OSMR: variants seen among roughly 807,000 people sequenced by gnomAD.
OSMR encodes the protein oncostatin M receptor, also known as oncostatin-M-specific receptor subunit beta.
In OSMR, 81 loss-of-function variants were observed where a neutral mutation model predicts 99.9. That is an observed-to-expected ratio of 0.81 (90% CI 0.68 to 0.97). OSMR has a LOEUF of 0.97. OSMR is among the 50% of genes least tolerant of loss of function. The probability of loss-of-function intolerance (pLI) is 0.00; values close to 1 mark genes in which losing one functional copy is unlikely to be tolerated. For synonymous variants in OSMR, 406 were observed against 410.4 expected, an observed-to-expected ratio of 0.99 and a Z score of 0.13; for missense variants, 1,099 against 1,153.4, an observed-to-expected ratio of 0.95 and a Z score of 0.68.
downstream of OSMR, chr5:38,939,586 A>G (rs1264387713): frequency 4.3e-6 from 1 of 231,572 alleles, no homozygotes; most frequent in Non-Finnish European, 8.5e-6. Context: ...TGAGGCTGAA[A>G]TCTGTTCTTG....
In OSMR at chr5:38,883,835, T is replaced by C; in HGVS notation, c.427T>C (p.Ser143Pro). Residue 143 changes from serine to proline, a missense_variant, in exon 5 of 18, where the codon TCT (serine) becomes CCT (proline). By Grantham distance (74) the Ser-to-Pro change is moderately conservative. Transcript: ENST00000274276. ...ATTTTTTTTTCTTGCAGTACAAGATTCTACTGGACAGGATATATTGTTCGT... is the reference window on the plus strand; with the variant it reads ...ATTTTTTTTTCTTGCAGTACAAGATCCTACTGGACAGGATATATTGTTCGT... ...SSWEEVSVQD[S>P]TGQDILFVFP... 1.9e-6 allele frequency: 3 copies of C among 1,612,776 alleles called. No homozygotes were observed. The highest frequency in any genetic ancestry group is 2.5e-6 in the Non-Finnish European group (3 of 1,179,986).
intron 10 of OSMR, among the ~76,000 whole-genome samples, chr5:38,918,228 T>C (rs1746031190): frequency 6.6e-6 from 1 of 152,016 alleles, no homozygotes; most frequent in South Asian, 2.1e-4. Flanking sequence ...GTCTGGGTTC[T>C]GTCCACACCC....
chr5:38,929,345 CAGAG>C lies in OSMR; in HGVS notation c.2213-2535_2213-2532del, dbSNP rs142293855. Among the ~76,000 whole-genome samples, 1,050 of 152,202 alleles carry C rather than the reference CAGAG, an allele frequency of 6.9e-3. 49 individuals are homozygous for C. The East Asian group carries it at 0.12, about 17-fold the overall frequency. On this transcript the variant is annotated intron_variant, in intron 15 of 17. Coordinates refer to ENST00000274276, the MANE Select transcript of OSMR (RefSeq NM_003999.3). Reference sequence around the variant, plus strand: ...GTTAACTTTTTCTCGGATTAGGAGACAGAGAGGGTAAACAGTTTGTTTAAACATA... The same window carrying C: ...GTTAACTTTTTCTCGGATTAGGAGACAGGGTAAACAGTTTGTTTAAACATA...
intron 1 of OSMR, among the ~76,000 whole-genome samples, chr5:38,865,635 G>A (rs1741877836): frequency 6.6e-6 from 1 of 152,204 alleles, no homozygotes; most frequent in South Asian, 2.1e-4. Context: ...TGGTGGTGGT[G>A]GCACCAGGCC....
rs1037497608 is a variant in OSMR at position 38,934,074 on chromosome 5, A to T, written c.*630A>T. 6.5e-6 allele frequency: 1 copy of T among 152,730 alleles called. No homozygotes were observed. Among genetic ancestry groups the T allele is most frequent in the Non-Finnish European group, 1.5e-5 (1 of 68,142 alleles). 9.5% of individuals were successfully genotyped at this position (152,730 alleles called of 1,614,324 possible). ...ATATAAAATGTGTGATGAATCAACAAGATTTCCACAATTCTTCTGTCAAGC... is the reference window on the plus strand; with the variant it reads ...ATATAAAATGTGTGATGAATCAACATGATTTCCACAATTCTTCTGTCAAGC... On this transcript the variant is annotated 3_prime_UTR_variant, in exon 18 of 18. Coordinates refer to ENST00000274276, the MANE Select transcript of OSMR (RefSeq NM_003999.3).
downstream of OSMR, chr5:38,945,406 G>C (rs535222707): frequency 1.1e-6 from 1 of 895,516 alleles, no homozygotes; most frequent in South Asian, 1.6e-5. Context: ...CTCTGAATTA[G>C]AATACCAAAA....
intron 14 of OSMR, 83 bp downstream of exon 14, chr5:38,924,678 G>A: frequency 1.7e-6 from 2 of 1,208,644 alleles, no homozygotes; most frequent in Non-Finnish European, 2.5e-6. Flanking sequence ...TGCCATCTCA[G>A]ACTGTGGCCA....
Position 38,932,983 on chromosome 5 carries a change from C to T in OSMR, c.2479C>T (p.Leu827Phe). The T allele has an allele frequency of 6.2e-7, 1 of 1,614,170 alleles. No individual in the cohort carries two copies. The highest frequency in any genetic ancestry group is 8.5e-7 in the Non-Finnish European group (1 of 1,180,012). The change falls in exon 18 of 18, where the codon CTC (leucine) becomes TTC (phenylalanine). Residue 827 changes from leucine (L) to phenylalanine (F), a missense_variant. By Grantham distance (22) the Leu-to-Phe change is conservative. Coordinates refer to ENST00000274276, the MANE Select transcript of OSMR (RefSeq NM_003999.3). ...ACAGTTCCTAGGCACTAGGAAGTCA[C>T]TCACAGAAACCGAGTTGACTAAGCC... is the stretch of plus-strand genomic sequence containing the variant. ...KIQFLGTRKS[L>F]TETELTKPNY...
intron 2 of OSMR, chr5:38,944,327 A>G: frequency 9.2e-6 from 9 of 981,614 alleles, no homozygotes; most frequent in Non-Finnish European, 1.3e-5. Flanking sequence ...CAGGTATGCA[A>G]TGCAGTTTAG....
At chr5:38,904,188 T>C (rs926969388) in intron 8 of OSMR, 164 bp downstream of exon 8, 1 of 985,120 alleles carries the variant, frequency 1.0e-6, no homozygotes, top group African/African-American at 1.7e-5. Flanking sequence ...CTTTTATGGT[T>C]AGGAAATGGG....
chr5:38,942,341 G>C (rs779211986), intron 1 of OSMR: 4 of 1,598,432 alleles, frequency 2.5e-6, no homozygotes, highest in South Asian at 1.1e-5. Context: ...AGGTTGCTTT[G>C]GTGGTGTTGC....
chr5:38,912,021 C>CT lies in OSMR; in HGVS notation c.1286-5524dup, dbSNP rs371130563. ...CTGGAATAAGACAAGGATGTCCACT[C>CT]TCACCACTCCTATTCAATATAATAT... On this transcript the variant is annotated intron_variant, in intron 9 of 17. Coordinates refer to ENST00000274276, the MANE Select transcript of OSMR (RefSeq NM_003999.3). Among the ~76,000 whole-genome samples the CT allele has an allele frequency of 5.2e-3, 791 of 152,026 alleles. 3 individuals carry two copies. Among genetic ancestry groups the CT allele is most frequent in the Middle Eastern group, 0.017 (5 of 292 alleles).
chr5:38,933,056 G>T lies in OSMR; in HGVS notation c.2552G>T (p.Gly851Val), dbSNP rs766590930. ...LPTEKNHSGP[G>V]PCICFENLTY... ...ACAGAAAAGAATCACTCTGGCCCTGGCCCCTGCATCTGTTTTGAGAACTTG... is the reference window on the plus strand; with the variant it reads ...ACAGAAAAGAATCACTCTGGCCCTGTCCCCTGCATCTGTTTTGAGAACTTG... Residue 851 changes from glycine to valine, a missense_variant, in exon 18 of 18, where the codon GGC becomes GTC. Physicochemically the swap from Gly to Val is moderately radical, Grantham distance 109 (BLOSUM62 -3). Coordinates refer to ENST00000274276, the MANE Select transcript of OSMR (RefSeq NM_003999.3). The T allele has an allele frequency of 1.2e-6, 2 of 1,614,102 alleles. No homozygotes were observed. Among genetic ancestry groups the T allele is most frequent in the Middle Eastern group, 1.6e-4 (1 of 6,062 alleles).
chr5:38,863,770 A>C (rs550313425), intron 1 of OSMR, among the ~76,000 whole-genome samples: 2 of 152,308 alleles, frequency 1.3e-5, no homozygotes, highest in East Asian at 3.9e-4. Flanking sequence ...AAATCCCTAA[A>C]TATTATTGTA....
At position 38,876,358 on chromosome 5, in the gene OSMR, C is replaced by G. The variant is rs111256651; in HGVS notation, c.231C>G (p.Ser77=). The G allele has an allele frequency of 1.4e-5, 22 of 1,612,802 alleles. No individual in the cohort carries two copies. The East Asian group carries it at 4.5e-4, about 33-fold the overall frequency. ...FQIQISRIET[S]NVIWVGNYST... ...TCCAGATCAGTAGGATTGAAACATC[C>G]AATGTCATCTGGGTGGTAAGTAATT... Residue 77 remains serine, a synonymous_variant, in exon 3 of 18, where the codon TCC becomes TCG. Coordinates refer to ENST00000274276, the MANE Select transcript of OSMR (RefSeq NM_003999.3).
At chr5:38,895,724 A>C (rs1744460809) in intron 7 of OSMR, among the ~76,000 whole-genome samples, 1 of 151,802 alleles carries the variant, frequency 6.6e-6, no homozygotes, top group South Asian at 2.1e-4. Context: ...ACTTGCATAA[A>C]TTATTCCAAT....
chr5:38,933,400 C>G lies in OSMR; in HGVS notation c.2896C>G (p.Leu966Val). 1 of 1,614,110 alleles carries G rather than the reference C, an allele frequency of 6.2e-7. No individual in the cohort carries two copies. Among genetic ancestry groups the G allele is most frequent in the Non-Finnish European group, 8.5e-7 (1 of 1,179,970 alleles). The change falls in exon 18 of 18, where the codon CTC (leucine) becomes GTC (valine). Residue 966 changes from leucine (L) to valine (V), a missense_variant. By Grantham distance (32) the Leu-to-Val change is conservative. Coordinates refer to ENST00000274276, the MANE Select transcript of OSMR (RefSeq NM_003999.3). ...ALPPPTENSS[L>V]SSITLLDPGE... ...GCCTCCCCCGACCGAGAATAGCAGC[C>G]TCTCCTCAATTACCCTTTTAGATCC...
chr5:38,943,232 T>C, intron 1 of OSMR: 1 of 344,840 alleles, frequency 2.9e-6, no homozygotes. Context: ...TTTATTGGCA[T>C]GAGAAATTGC....
chr5:38,910,326 AAACT>A (rs1266180175), intron 9 of OSMR, among the ~76,000 whole-genome samples: 2 of 152,222 alleles, frequency 1.3e-5, no homozygotes, highest in Admixed American at 1.3e-4. Flanking sequence ...TCAGGGCAGA[AAACT>A]AACAAAGATA....
Sources: gnomAD v4.1 joint callset for allele counts (sites outside exome capture counted in the v4.1 genomes callset) on GRCh38, gnomAD v4.1.1 for gene constraint, MANE v1.5 for transcripts, NCBI Gene and HGNC (gene_info 2026-07-23, HGNC 2026-07-21) for gene names.